The following AK9 variants were observed in gnomAD, a reference collection of about 807,000 sequenced individuals.
The protein encoded by AK9 is adenylate kinase domain containing 1.
AK9 carries 191 observed loss-of-function variants against 239.6 expected under a neutral mutation model. That is an observed-to-expected ratio of 0.80 (90% confidence interval 0.71 to 0.90). The LOEUF is 0.90. Ranked by LOEUF, AK9 falls within the 40% of genes least tolerant of loss-of-function variation. The pLI is 0.00. For missense variants in AK9, 1,995 were observed against 2,214.7 expected (o/e 0.90, Z 1.99); for synonymous variants, 689 against 721.0 (o/e 0.96, Z 0.71).
intron 27 of AK9, among the ~76,000 whole-genome samples, chr6:109,536,560 T>G (rs181342175): frequency 6.6e-6 from 1 of 152,212 alleles, no homozygotes; most frequent in African/African-American, 2.4e-5. Context: ...CAGGGACAAT[T>G]TGACTTCCTC....
intron 1 of AK9, among the ~76,000 whole-genome samples, chr6:109,682,803 G>T (rs1328780323): frequency 6.6e-6 from 1 of 152,056 alleles, no homozygotes. Context: ...ATTCACAGCC[G>T]AATTCTACCA....
intron 29 of AK9, among the ~76,000 whole-genome samples, chr6:109,524,455 A>G (rs1780208395): frequency 1.3e-5 from 2 of 152,210 alleles, no homozygotes; most frequent in African/African-American, 4.8e-5. Context: ...ACAAATTTAC[A>G]GATTAAAGAA....
intron 27 of AK9, among the ~76,000 whole-genome samples, chr6:109,534,414 T>C (rs1781697017): frequency 6.7e-6 from 1 of 150,112 alleles, no homozygotes; most frequent in South Asian, 2.1e-4. Flanking sequence ...AGAATTTGTT[T>C]CTCCTGCTTA....
chr6:109,671,166 A>G (rs891464733), intron 5 of AK9, among the ~76,000 whole-genome samples: 6 of 152,102 alleles, frequency 3.9e-5, no homozygotes, highest in Admixed American at 2.0e-4. Flanking sequence ...TATGGTTTTT[A>G]CTTTCCTGTA....
intron 33 of AK9, among the ~76,000 whole-genome samples, chr6:109,508,413 C>T (rs1171314420): frequency 6.6e-6 from 1 of 152,048 alleles, no homozygotes; most frequent in Non-Finnish European, 1.5e-5. Context: ...AAGCTGAACA[C>T]CAGGGAGGAG....
chr6:109,598,259 T>C (rs1236506994), intron 17 of AK9, among the ~76,000 whole-genome samples: 3 of 144,478 alleles, frequency 2.1e-5, no homozygotes, highest in Non-Finnish European at 4.5e-5. Context: ...GTGTGTGATG[T>C]TCCCCTTCCT....
chr6:109,687,529 C>G (rs576123747), intron 1 of AK9, among the ~76,000 whole-genome samples: 1 of 152,134 alleles, frequency 6.6e-6, no homozygotes, highest in Admixed American at 6.5e-5. Flanking sequence ...TGTGAGAGGA[C>G]CACGTGATGA....
chr6:109,595,875 T>C (rs935390818), intron 17 of AK9, among the ~76,000 whole-genome samples: 1 of 152,082 alleles, frequency 6.6e-6, no homozygotes, highest in Non-Finnish European at 1.5e-5. Flanking sequence ...ACGGGAAGGA[T>C]AGCATTAGGA....
chr6:109,506,976 G>C (rs1162103696), intron 33 of AK9, among the ~76,000 whole-genome samples, 176 bp from the exon 34 acceptor site: 1 of 152,042 alleles, frequency 6.6e-6, no homozygotes, highest in Non-Finnish European at 1.5e-5. Flanking sequence ...ATCTCAGTCA[G>C]GCCAAGAGCC....
At chr6:109,563,977 G>C in intron 23 of AK9, 103 bp downstream of exon 23, 4 of 1,213,696 alleles carry the variant, frequency 3.3e-6, no homozygotes, top group Non-Finnish European at 4.5e-6. Context: ...TGGATATACT[G>C]AACATTTACT....
intron 20 of AK9, among the ~76,000 whole-genome samples, chr6:109,574,895 T>TTA (rs1787864554): frequency 6.6e-6 from 1 of 152,138 alleles, no homozygotes; most frequent in Non-Finnish European, 1.5e-5. Context: ...AAGTCTATTA[T>TTA]ATCATTCTTA....
At chr6:109,624,890 T>G (rs1016120133) in intron 12 of AK9, among the ~76,000 whole-genome samples, 7 of 152,160 alleles carry the variant, frequency 4.6e-5, no homozygotes, top group African/African-American at 1.7e-4. Flanking sequence ...TTTTTCCATT[T>G]GTCAGTTTAT....
chr6:109,659,560 T>C, intron 6 of AK9, 147 bp from the exon 7 acceptor site: 8 of 1,081,876 alleles, frequency 7.4e-6, no homozygotes, highest in Non-Finnish European at 1.0e-5. Flanking sequence ...GCATTTTGCA[T>C]CAGGTTTCAT....
intron 1 of AK9, among the ~76,000 whole-genome samples, chr6:109,688,718 T>G (rs1773868302): frequency 6.6e-6 from 1 of 152,196 alleles, no homozygotes; most frequent in African/African-American, 2.4e-5. Context: ...GAGAGATGGT[T>G]CTATCAGGGG....
At position 109,637,374 on chromosome 6, in the gene AK9, CT is replaced by C. The variant is rs202013287; in HGVS notation, c.934-4052del. Among the ~76,000 whole-genome samples, 50 of 150,378 alleles carry C rather than the reference CT, an allele frequency of 3.3e-4. 2 individuals carry two copies. In the South Asian group the frequency reaches 7.4e-3, roughly 22 times the overall value. On this transcript the variant is annotated intron_variant, in intron 10 of 40. Transcript: ENST00000424296. ...TTACTCTATTGATTGATGTGTTTTCCTTTTTTTTTGTAGAGATGGGGTTTTA... is the reference window on the plus strand; with the variant it reads ...TTACTCTATTGATTGATGTGTTTTCCTTTTTTTTGTAGAGATGGGGTTTTA...
At chr6:109,655,521 C>T (rs924014160) in intron 8 of AK9, among the ~76,000 whole-genome samples, 3 of 151,980 alleles carry the variant, frequency 2.0e-5, no homozygotes, top group Admixed American at 6.6e-5. Context: ...ATTTAATTTC[C>T]GGAAGTTGTG....
chr6:109,523,080 C>T (rs1780040145), intron 29 of AK9, among the ~76,000 whole-genome samples: 1 of 152,150 alleles, frequency 6.6e-6, no homozygotes, highest in South Asian at 2.1e-4. Flanking sequence ...CCCTCTTACA[C>T]TTTCTAGATA....
intron 7 of AK9, 81 bp downstream of exon 7, chr6:109,659,147 C>A: frequency 7.2e-7 from 1 of 1,393,328 alleles, no homozygotes; most frequent in Admixed American, 2.7e-5. Context: ...CTACTATTTC[C>A]TATTACCTAT....
intron 17 of AK9, among the ~76,000 whole-genome samples, chr6:109,603,515 G>T (rs1457506228): frequency 2.6e-5 from 4 of 152,090 alleles, no homozygotes; most frequent in Non-Finnish European, 5.9e-5. Flanking sequence ...GCTACTTGGG[G>T]GTCAGGGACC....
Sources: allele counts gnomAD v4.1 joint callset (sites outside exome capture counted in the v4.1 genomes callset), GRCh38; gene constraint gnomAD v4.1.1; transcripts MANE v1.5; gene names NCBI Gene and HGNC (gene_info 2026-07-23, HGNC 2026-07-21).